AHI1: variants seen among roughly 807,000 people sequenced by gnomAD.
AHI1 encodes the protein Abelson helper integration site 1.
A neutral mutation model predicts 149.3 loss-of-function variants in AHI1; 123 were observed. The observed-to-expected ratio is 0.82, with a 90% CI of 0.71 to 0.96. The LOEUF (loss-of-function observed/expected upper bound fraction) is 0.96. Ranked by LOEUF, AHI1 falls within the 40% of genes least tolerant of loss-of-function variation. The probability of loss-of-function intolerance (pLI) is 0.00; values close to 1 mark genes in which losing one functional copy is unlikely to be tolerated. For synonymous variants in AHI1, 475 were observed against 459.8 expected (o/e 1.03, Z -0.42); for missense variants, 1,439 against 1,422.7 (o/e 1.01, Z -0.18).
chr6:135,288,915 CAG>C (rs1263207951), intron 28 of AHI1, among the ~76,000 whole-genome samples: 3 of 151,910 alleles, frequency 2.0e-5, no homozygotes, highest in African/African-American at 7.3e-5. Flanking sequence ...GTATTACCAG[CAG>C]TGTAAGCGGG....
chr6:135,477,577 G>T (rs1217632825), intron 5 of AHI1, among the ~76,000 whole-genome samples: 1 of 152,080 alleles, frequency 6.6e-6, no homozygotes, highest in Non-Finnish European at 1.5e-5. Context: ...TGAATCATGG[G>T]GACGGATATC....
At chr6:135,479,459 T>G (rs1034293803) in intron 5 of AHI1, among the ~76,000 whole-genome samples, 22 of 152,236 alleles carry the variant, frequency 1.4e-4, no homozygotes, top group African/African-American at 5.1e-4. Flanking sequence ...ATTTAATGAC[T>G]GCCCTGCTGG....
intron 3 of AHI1, among the ~76,000 whole-genome samples, chr6:135,493,961 T>G (rs1354264679): frequency 6.6e-6 from 1 of 152,230 alleles, no homozygotes; most frequent in Non-Finnish European, 1.5e-5. Flanking sequence ...GAAAATCGCT[T>G]GAACCTGAAA....
At chr6:135,369,223 G>C (rs2128453619) in intron 23 of AHI1, among the ~76,000 whole-genome samples, 1 of 152,320 alleles carries the variant, frequency 6.6e-6, no homozygotes, top group East Asian at 1.9e-4. Flanking sequence ...GTGTTCAGGG[G>C]TGGACATTCC....
At chr6:135,476,533 A>AT (rs1308901869) in intron 5 of AHI1, among the ~76,000 whole-genome samples, 1 of 151,818 alleles carries the variant, frequency 6.6e-6, no homozygotes, top group Non-Finnish European at 1.5e-5. Context: ...ATTCTTATTG[A>AT]TTTTTTGACT....
intron 23 of AHI1, among the ~76,000 whole-genome samples, chr6:135,382,741 T>G (rs1044068429): frequency 6.6e-6 from 1 of 151,460 alleles, no homozygotes; most frequent in African/African-American, 2.4e-5. Context: ...TTTAATTTTT[T>G]AAAAAGTTAC....
intron 20 of AHI1, among the ~76,000 whole-genome samples, chr6:135,423,036 C>A (rs1475834796): frequency 2.0e-5 from 3 of 152,092 alleles, no homozygotes; most frequent in Admixed American, 6.6e-5. Context: ...GGTGGCTTTA[C>A]ACCAACTGTG....
rs1793268714 is a variant in AHI1 at position 135,358,090 on chromosome 6, CTT to C, written c.3165+40_3165+41del. The C allele has an allele frequency of 3.2e-6, 5 of 1,583,218 alleles. No homozygotes were observed. In the East Asian group the frequency reaches 9.0e-5, roughly 28 times the overall value. Reference sequence around the variant, plus strand: ...TAACTATAACCAGTATAATTTTGTACTTTCTTAACACTTTTAACAACGTAGCA... The same window carrying C: ...TAACTATAACCAGTATAATTTTGTACTCTTAACACTTTTAACAACGTAGCA... On this transcript the variant is annotated intron_variant, in intron 24 of 28. Coordinates refer to ENST00000265602, the MANE Select transcript of AHI1 (RefSeq NM_001134831.2).
intron 19 of AHI1, 62 bp from the exon 20 acceptor site, chr6:135,427,369 C>T: frequency 7.1e-7 from 1 of 1,401,506 alleles, no homozygotes; most frequent in South Asian, 1.3e-5. Context: ...TAAATCTTCT[C>T]ACAAGATTAT....
chr6:135,360,123 T>C (rs1793627056), intron 23 of AHI1, among the ~76,000 whole-genome samples: 1 of 152,162 alleles, frequency 6.6e-6, no homozygotes, highest in Non-Finnish European at 1.5e-5. Context: ...CAAAATAACT[T>C]CCTATTTTAG....
chr6:135,462,719 G>A (rs1183039765), intron 8 of AHI1, among the ~76,000 whole-genome samples: 2 of 152,100 alleles, frequency 1.3e-5, no homozygotes, highest in Non-Finnish European at 1.5e-5. Flanking sequence ...TGGCCAACAT[G>A]GTGAAACCCC....
intron 23 of AHI1, among the ~76,000 whole-genome samples, chr6:135,359,143 A>T (rs1793455302): frequency 6.6e-6 from 1 of 152,224 alleles, no homozygotes. Context: ...CAACACAAAC[A>T]ATCACTTTTT....
chr6:135,339,729 CAGA>C lies in AHI1; in HGVS notation c.3166-16408_3166-16406del, dbSNP rs1790002075. 2.0e-5 allele frequency among the ~76,000 whole-genome samples: 3 copies of C among 152,226 alleles called. No homozygotes were observed. The South Asian group carries it at 6.2e-4, about 32-fold the overall frequency. On this transcript the variant is annotated intron_variant, in intron 24 of 28. Transcript: ENST00000265602. The stretch of plus-strand genomic sequence containing the variant: ...ACCAACATATGCATAACAGGACTCC[CAGA>C]AGAAGAGTCAGAGAAAGGGGAAAAA...
chr6:135,386,362 G>A (rs981222355), intron 23 of AHI1, among the ~76,000 whole-genome samples: 2 of 151,436 alleles, frequency 1.3e-5, no homozygotes, highest in Non-Finnish European at 2.9e-5. Flanking sequence ...CCAGGCTGGA[G>A]TGCAGTGGCA....
intron 19 of AHI1, 46 bp downstream of exon 19, chr6:135,428,583 C>A: frequency 2.6e-6 from 4 of 1,566,220 alleles, no homozygotes; most frequent in Middle Eastern, 3.4e-4. Flanking sequence ...CTTCTTCAAA[C>A]CCCTGTACCT....
chr6:135,428,552 TA>T, intron 19 of AHI1, 76 bp downstream of exon 19: 1 of 1,405,108 alleles, frequency 7.1e-7, no homozygotes. Flanking sequence ...AATTATTCCA[TA>T]AAATGGTAGA....
intron 20 of AHI1, among the ~76,000 whole-genome samples, chr6:135,424,500 T>C (rs1783667517): frequency 6.6e-6 from 1 of 152,022 alleles, no homozygotes; most frequent in Non-Finnish European, 1.5e-5. Context: ...AAAAGTACAT[T>C]ATTTGTGGTA....
chr6:135,489,020 T>C (rs1394785283), intron 5 of AHI1, among the ~76,000 whole-genome samples: 2 of 152,188 alleles, frequency 1.3e-5, no homozygotes, highest in East Asian at 3.8e-4. Context: ...ATATAAAGTG[T>C]TTAGAAGAGT....
At chr6:135,472,737 A>G (rs1186223628) in intron 5 of AHI1, among the ~76,000 whole-genome samples, 1 of 152,096 alleles carries the variant, frequency 6.6e-6, no homozygotes, top group Non-Finnish European at 1.5e-5. Context: ...GCATTTTCCT[A>G]ATTACTATGA....
Sources: gnomAD v4.1 joint callset for allele counts (sites outside exome capture counted in the v4.1 genomes callset) on GRCh38, gnomAD v4.1.1 for gene constraint, MANE v1.5 for transcripts, NCBI Gene and HGNC (gene_info 2026-07-23, HGNC 2026-07-21) for gene names.